Variants in NDUFAF2 observed in about 807,000 individuals in gnomAD.
NDUFAF2 encodes the protein NADH:ubiquinone oxidoreductase complex assembly factor 2.
NDUFAF2 carries 13 observed loss-of-function variants against 22.8 expected under a neutral mutation model. The ratio of observed to expected loss-of-function variants is 0.57; its 90% CI spans 0.37 to 0.91. NDUFAF2 has a LOEUF of 0.91. NDUFAF2 is among the 40% of genes least tolerant of loss of function. The pLI, the probability that NDUFAF2 is intolerant of heterozygous loss-of-function variation, is 0.01. For synonymous variants in NDUFAF2, 53 were observed against 64.2 expected (o/e 0.83, Z 0.84); for missense variants, 162 against 195.2 (o/e 0.83, Z 1.01).
At chr5:61,030,806 T>C (rs1191872123) in intron 1 of NDUFAF2, among the ~76,000 whole-genome samples, 1 of 152,158 alleles carries the variant, frequency 6.6e-6, no homozygotes, top group Non-Finnish European at 1.5e-5. Flanking sequence ...TTACAATTCT[T>C]CATATAACTA....
At chr5:60,993,029 C>G (rs1751181137) in intron 1 of NDUFAF2, among the ~76,000 whole-genome samples, 1 of 152,210 alleles carries the variant, frequency 6.6e-6, no homozygotes, top group African/African-American at 2.4e-5. Flanking sequence ...TTGGCTCAGG[C>G]TACTGGTCTG....
chr5:61,006,920 C>T (rs1459689771), intron 1 of NDUFAF2, among the ~76,000 whole-genome samples: 1 of 152,022 alleles, frequency 6.6e-6, no homozygotes, highest in Non-Finnish European at 1.5e-5. Context: ...GGTTTTGGAA[C>T]AATATAGTAG....
chr5:61,003,383 A>C (rs941918852), intron 1 of NDUFAF2, among the ~76,000 whole-genome samples: 8 of 152,066 alleles, frequency 5.3e-5, no homozygotes, highest in Admixed American at 5.2e-4. Context: ...TATTACTATC[A>C]ATATTCCAAT....
At chr5:60,972,059 C>G (rs186990411) in intron 1 of NDUFAF2, among the ~76,000 whole-genome samples, 24 of 151,494 alleles carry the variant, frequency 1.6e-4, no homozygotes, top group African/African-American at 5.6e-4. Context: ...TCTCCTGCCT[C>G]AGCCTCCTGA....
At chr5:61,083,086 T>C (rs557243024) in intron 2 of NDUFAF2, among the ~76,000 whole-genome samples, 2 of 152,318 alleles carry the variant, frequency 1.3e-5, no homozygotes, top group South Asian at 4.1e-4. Flanking sequence ...TGTAAGATGG[T>C]ATCTCATTGT....
At chr5:60,990,981 G>A (rs1373735557) in intron 1 of NDUFAF2, among the ~76,000 whole-genome samples, 1 of 151,992 alleles carries the variant, frequency 6.6e-6, no homozygotes, top group African/African-American at 2.4e-5. Context: ...TATTTTCCTG[G>A]TATAGTTGAA....
At chr5:61,050,906 A>C (rs991030347) in intron 1 of NDUFAF2, among the ~76,000 whole-genome samples, 14 of 152,190 alleles carry the variant, frequency 9.2e-5, no homozygotes, top group Non-Finnish European at 1.6e-4. Flanking sequence ...AAGGATGTTT[A>C]GTTCACTAAG....
intron 1 of NDUFAF2, among the ~76,000 whole-genome samples, chr5:60,966,890 G>T (rs1750764824): frequency 6.6e-6 from 1 of 152,030 alleles, no homozygotes; most frequent in Admixed American, 6.5e-5. Flanking sequence ...AAGTGTTATT[G>T]GAATTTTGAT....
chr5:61,115,508 T>G (rs1752900774), intron 3 of NDUFAF2: 1 of 152,208 alleles, frequency 6.6e-6, no homozygotes, highest in African/African-American at 2.4e-5. Flanking sequence ...TGAGGATGAT[T>G]AATGGAGGCT....
chr5:61,105,065 A>G (rs974609730), intron 3 of NDUFAF2, among the ~76,000 whole-genome samples: 1 of 151,306 alleles, frequency 6.6e-6, no homozygotes, highest in East Asian at 1.9e-4. Context: ...CTGTGATTCT[A>G]TTTTTTTCTT....
chr5:61,023,739 C>G (rs1751615870), intron 1 of NDUFAF2, among the ~76,000 whole-genome samples: 1 of 152,132 alleles, frequency 6.6e-6, no homozygotes, highest in East Asian at 1.9e-4. Flanking sequence ...AAATTAATGA[C>G]TGGCTTCTTT....
At chr5:61,008,045 C>A (rs569525095) in intron 1 of NDUFAF2, among the ~76,000 whole-genome samples, 2 of 150,884 alleles carry the variant, frequency 1.3e-5, no homozygotes, top group Non-Finnish European at 2.9e-5. Context: ...AGTAAACTAT[C>A]GCAAGAACAA....
intron 1 of NDUFAF2, among the ~76,000 whole-genome samples, chr5:61,046,394 T>C (rs914772629): frequency 6.6e-6 from 1 of 152,166 alleles, no homozygotes; most frequent in African/African-American, 2.4e-5. Flanking sequence ...AATTGTTTGG[T>C]AGAATTCAGC....
intron 2 of NDUFAF2, among the ~76,000 whole-genome samples, chr5:61,076,315 C>T (rs1243262411): frequency 6.6e-6 from 1 of 152,166 alleles, no homozygotes; most frequent in Non-Finnish European, 1.5e-5. Flanking sequence ...ACCTCGTGAT[C>T]TGCCCGCCTC....
intron 1 of NDUFAF2, among the ~76,000 whole-genome samples, chr5:61,024,974 T>G (rs908572197): frequency 6.6e-6 from 1 of 152,060 alleles, no homozygotes; most frequent in Non-Finnish European, 1.5e-5. Flanking sequence ...CTCCTTCTGC[T>G]TCTCTCCTGG....
chr5:60,989,347 G>A (rs948544694), intron 1 of NDUFAF2, among the ~76,000 whole-genome samples: 10 of 152,144 alleles, frequency 6.6e-5, no homozygotes, highest in Admixed American at 5.2e-4. Context: ...GGAAATCAGT[G>A]TGGCAATTCC....
At chr5:60,987,484 A>G (rs1284659168) in intron 1 of NDUFAF2, among the ~76,000 whole-genome samples, 2 of 152,188 alleles carry the variant, frequency 1.3e-5, no homozygotes, top group Non-Finnish European at 2.9e-5. Flanking sequence ...AACAATAGCA[A>G]TAAGAGTTCA....
Position 60,983,624 on chromosome 5 carries a change from G to T in NDUFAF2, c.127+38242G>T, listed in dbSNP as rs996367194. 2.4e-3 allele frequency among the ~76,000 whole-genome samples: 359 copies of T among 151,128 alleles called. 8 individuals are homozygous for T. Among genetic ancestry groups the T allele is most frequent in the African/African-American group, 8.5e-3 (348 of 40,996 alleles). The stretch of plus-strand genomic sequence containing the variant: ...AGTTTCAGCTTTCTACGTATGGCTA[G>T]CCAGTTTTCCCAGCACCATTTATTA... On this transcript the variant is annotated intron_variant, in intron 1 of 3. Transcript: ENST00000296597.
chr5:60,987,321 A>G (rs538070759), intron 1 of NDUFAF2, among the ~76,000 whole-genome samples: 4 of 152,180 alleles, frequency 2.6e-5, no homozygotes, highest in Non-Finnish European at 5.9e-5. Flanking sequence ...CCAGGATGAG[A>G]AAGATTCTTG....
Sources: allele counts gnomAD v4.1 joint callset (sites outside exome capture counted in the v4.1 genomes callset), GRCh38; gene constraint gnomAD v4.1.1; transcripts MANE v1.5; gene names NCBI Gene and HGNC (gene_info 2026-07-23, HGNC 2026-07-21).